Variants in BPTF observed in about 807,000 individuals in gnomAD.
BPTF encodes bromodomain PHD finger transcription factor.
In BPTF, 18 loss-of-function variants were observed where a neutral mutation model predicts 292.5. The ratio of observed to expected loss-of-function variants is 0.06; its 90% CI spans 0.04 to 0.09. The LOEUF is 0.09. Among genes scored for constraint, BPTF ranks in the 10% least tolerant of loss-of-function variants. The probability of loss-of-function intolerance (pLI) is 1.00; values close to 1 mark genes in which losing one functional copy is unlikely to be tolerated. For missense variants in BPTF, 2,726 were observed against 3,498.7 expected, an observed-to-expected ratio of 0.78 and a Z score of 5.57; for synonymous variants, 1,225 against 1,251.9, an observed-to-expected ratio of 0.98 and a Z score of 0.45.
rs782594901 is a variant in BPTF at position 67,959,799 on chromosome 17, A to T, written c.8185A>T (p.Ile2729Phe). Residue 2729 changes from isoleucine to phenylalanine, a missense_variant, in exon 24 of 28, where the codon ATC becomes TTC. Transcript: ENST00000306378. Reference protein sequence around the residue: ...SSSKSKKKKMISTTSKETKKD... With the variant: ...SSSKSKKKKMFSTTSKETKKD... The stretch of plus-strand genomic sequence containing the variant: ...CTCAAAGTCCAAGAAAAAGAAAATG[A>T]TCTCTACTACCTCAAAGGAAACTAA... 5 of 1,614,018 alleles carry T rather than the reference A, an allele frequency of 3.1e-6. No individual in the cohort carries two copies. Among genetic ancestry groups the T allele is most frequent in the African/African-American group, 1.3e-5 (1 of 74,902 alleles).
intron 23 of BPTF, chr17:67,956,124 C>T (rs1323214239): frequency 3.3e-5 from 5 of 151,644 alleles, no homozygotes; most frequent in African/African-American, 1.2e-4. Flanking sequence ...CGAGACCATC[C>T]TGGCTAACAC....
rs186986885 is a variant in BPTF at position 67,853,810 on chromosome 17, G to A, written c.614-130G>A. 459 of 700,582 alleles carry A rather than the reference G, an allele frequency of 6.6e-4. 3 individuals carry two copies. The East Asian group carries it at 0.011, about 16-fold the overall frequency. 43.4% of individuals were successfully genotyped at this position (700,582 alleles called of 1,614,324 possible). ...ATTAGAGCTGAATCATTGCTTCTTC[G>A]TATTATTTTAACTTGACAATTATTA... On this transcript the variant is annotated intron_variant, in intron 1 of 27. Coordinates refer to ENST00000306378, the MANE Select transcript of BPTF (RefSeq NM_182641.4).
rs569247630 is a variant in BPTF, at chr17:67,972,296, C to T, written c.8540-3476C>T. 4.6e-5 allele frequency among the ~76,000 whole-genome samples: 7 copies of T among 152,010 alleles called. No individual in the cohort carries two copies. In the East Asian group the frequency reaches 5.8e-4, roughly 13 times the overall value. On this transcript the variant is annotated intron_variant, in intron 26 of 27. Coordinates refer to ENST00000306378, the MANE Select transcript of BPTF (RefSeq NM_182641.4). The stretch of plus-strand genomic sequence containing the variant: ...TGTCACCCAGGCTGGAGTGCAGTGT[C>T]GTGATCTTGAATCACTGCAACCTCT...
At chr17:67,935,656 G>T (rs934694254) in intron 18 of BPTF, among the ~76,000 whole-genome samples, 1 of 152,082 alleles carries the variant, frequency 6.6e-6, no homozygotes, top group African/African-American at 2.4e-5. Flanking sequence ...AGGAGTTCAA[G>T]ACCCGCCTGC....
intron 1 of BPTF, among the ~76,000 whole-genome samples, chr17:67,847,253 A>C (rs1246374197): frequency 1.3e-5 from 2 of 152,096 alleles, no homozygotes; most frequent in Admixed American, 1.3e-4. Flanking sequence ...GTTAGCTCAC[A>C]CCTGTAATCC....
Position 67,854,669 on chromosome 17 carries a change from A to C in BPTF, c.1343A>C (p.Glu448Ala). 6.2e-7 allele frequency: 1 copy of C among 1,614,240 alleles called. No homozygotes were observed. The highest frequency in any genetic ancestry group is 8.5e-7 in the Non-Finnish European group (1 of 1,180,038). ...KVPGVTDCVAEIQKNKPYIRH... is the reference protein window; with the variant it reads ...KVPGVTDCVAAIQKNKPYIRH... ...CCTGGTGTGACTGACTGTGTTGCTG[A>C]AATCCAAAAAAATAAACCATATATT... Residue 448 changes from glutamate (E) to alanine (A), a missense_variant, in exon 2 of 28, where the codon GAA becomes GCA. Glu to Ala is a moderately radical substitution (Grantham distance 107). Coordinates refer to ENST00000306378, the MANE Select transcript of BPTF (RefSeq NM_182641.4). This position sits in a 1 kb window ranked among gnomAD's most constrained non-coding sequence, Gnocchi z 5.6.
intron 23 of BPTF, chr17:67,956,628 A>G (rs1248348035): frequency 6.6e-6 from 1 of 151,458 alleles, no homozygotes; most frequent in African/African-American, 2.4e-5. Flanking sequence ...AATTTTTTTT[A>G]AAGAAGGAAA....
intron 2 of BPTF, among the ~76,000 whole-genome samples, chr17:67,865,503 G>A (rs767587923): frequency 2.6e-5 from 4 of 152,170 alleles, no homozygotes; most frequent in Non-Finnish European, 5.9e-5. Context: ...ACTCAGAGAG[G>A]CTGTGTCTTG....
At position 67,825,545 on chromosome 17, in the gene BPTF, C is replaced by T; in HGVS notation, c.-180C>T. On this transcript the variant is annotated 5_prime_UTR_variant, in exon 1 of 28. Coordinates refer to ENST00000306378, the MANE Select transcript of BPTF (RefSeq NM_182641.4). ...GAAGAAACAAGATGGCGGCTGAAGG[C>T]GATCCGGAGTGGGGCCCCAGCAATT... 4.7e-6 allele frequency: 2 copies of T among 426,458 alleles called. No homozygotes were observed. Among genetic ancestry groups the T allele is most frequent in the Admixed American group, 2.7e-5 (1 of 36,492 alleles). 26.4% of individuals were successfully genotyped at this position (426,458 alleles called of 1,614,324 possible). A position where few individuals can be genotyped will look rare whatever the true frequency, so the allele number is the denominator to read the frequency against.
rs972750366 is a variant in BPTF at position 67,912,466 on chromosome 17, G to C, written c.4582G>C (p.Val1528Leu). The stretch of plus-strand genomic sequence containing the variant: ...AGCATCTTGTCCAGAAAGCAATTCA[G>C]TTAATCAGGTAGAAGATATGGAAAT... The part of the protein sequence containing the change: ...PSASCPESNS[V>L]NQVEDMEIET... Residue 1528 changes from valine to leucine, a missense_variant, in exon 11 of 28, where the codon GTT (valine) becomes CTT (leucine). Around this residue, in one of 22 missense-constraint regions of BPTF, gnomAD observed 713 missense variants for 714.9 expected, o/e 1.00. Coordinates refer to ENST00000306378, the MANE Select transcript of BPTF (RefSeq NM_182641.4). 21 of 1,613,718 alleles carry C rather than the reference G, an allele frequency of 1.3e-5. No individual in the cohort carries two copies. The highest frequency in any genetic ancestry group is 1.7e-5 in the Non-Finnish European group (20 of 1,179,960).
At chr17:67,861,259 C>G (rs529180686) in intron 2 of BPTF, among the ~76,000 whole-genome samples, 11 of 152,176 alleles carry the variant, frequency 7.2e-5, no homozygotes, top group African/African-American at 2.6e-4. Context: ...CTCCGTGATA[C>G]AAGCCAGTGT....
Position 67,868,208 on chromosome 17 carries a change from A to G in BPTF, c.1660+1521A>G, listed in dbSNP as rs534241540. The stretch of plus-strand genomic sequence containing the variant: ...TATCTCAAAAGTTTAAATAGTATAA[A>G]GGGTATGCTGTGAAAAATGAATCTC... On this transcript the variant is annotated intron_variant, in intron 3 of 27. Transcript: ENST00000306378. Among the ~76,000 whole-genome samples the G allele has an allele frequency of 1.6e-4, 25 of 152,306 alleles. 1 individual carries two copies. Among genetic ancestry groups the G allele is most frequent in the Admixed American group, 1.6e-3 (25 of 15,296 alleles).
At chr17:67,889,858 T>G (rs1224495122) in intron 4 of BPTF, among the ~76,000 whole-genome samples, 1 of 151,940 alleles carries the variant, frequency 6.6e-6, no homozygotes, top group East Asian at 1.9e-4. Context: ...AGAAAATTGA[T>G]AGTCTGACCA....
intron 7 of BPTF, 36 bp from the exon 8 acceptor site, chr17:67,903,753 C>A: frequency 6.8e-7 from 1 of 1,476,338 alleles, no homozygotes. Context: ...TTTATTTTTC[C>A]AAGTTAACAT....
intron 4 of BPTF, among the ~76,000 whole-genome samples, chr17:67,881,519 A>G (rs1188048646): frequency 3.7e-5 from 3 of 80,222 alleles, no homozygotes; most frequent in African/African-American, 4.9e-5. Context: ...TTTTTTTTTG[A>G]GAGACAGAGT....
rs756499381 is a variant in BPTF, at chr17:67,912,385, C to T, written c.4501C>T (p.Leu1501Phe). 6.2e-7 allele frequency: 1 copy of T among 1,614,092 alleles called. No individual in the cohort carries two copies. Among genetic ancestry groups the T allele is most frequent in the African/African-American group, 1.3e-5 (1 of 75,024 alleles). Residue 1501 changes from leucine (L) to phenylalanine (F), a missense_variant, in exon 11 of 28, where the codon CTT (leucine) becomes TTT (phenylalanine). Leu to Phe is a conservative substitution (Grantham distance 22). Coordinates refer to ENST00000306378, the MANE Select transcript of BPTF (RefSeq NM_182641.4). The part of the protein sequence containing the change: ...SDAEGNYRDS[L>F]ETLPSTKESD... Reference sequence around the variant, plus strand: ...TGCTGAAGGTAACTACCGAGATAGCCTTGAGACCCTGCCATCAACCAAAGA... The same window carrying T: ...TGCTGAAGGTAACTACCGAGATAGCTTTGAGACCCTGCCATCAACCAAAGA...
At chr17:67,966,522 A>G in intron 25 of BPTF, 50 bp from the exon 26 acceptor site, 1 of 1,541,164 alleles carries the variant, frequency 6.5e-7, no homozygotes, top group South Asian at 1.1e-5. Context: ...GGAAACTTAA[A>G]TGGAATTAGT....
intron 4 of BPTF, among the ~76,000 whole-genome samples, chr17:67,887,166 A>G (rs921499506): frequency 2.0e-5 from 3 of 152,188 alleles, no homozygotes; most frequent in East Asian, 1.9e-4. Flanking sequence ...ATTTTTGCCA[A>G]TGGTGAAAAG....
intron 1 of BPTF, among the ~76,000 whole-genome samples, chr17:67,844,070 CTTTTTTTTT>C (rs35407119): frequency 1.1e-5 from 1 of 94,354 alleles, no homozygotes; most frequent in Non-Finnish European, 2.1e-5. Context: ...CGGCCCCCGC[CTTTTTTTTT>C]TTTTTTTTTT....
Sources: gnomAD v4.1 joint callset for allele counts (sites outside exome capture counted in the v4.1 genomes callset) on GRCh38, gnomAD v4.1.1 for gene constraint, gnomAD v4.1.1 regional missense constraint, Gnocchi (gnomAD v3.1) non-coding constraint, MANE v1.5 for transcripts, NCBI Gene and HGNC (gene_info 2026-07-23, HGNC 2026-07-21) for gene names.